Variants in RBFOX1 observed in about 807,000 individuals in gnomAD.
RBFOX1 encodes the protein RNA binding fox-1 homolog 1, also known as RNA binding protein fox-1 homolog 1.
A neutral mutation model predicts 57.7 loss-of-function variants in RBFOX1; 8 were observed. The ratio of observed to expected loss-of-function variants is 0.14; its 90% confidence interval spans 0.08 to 0.25. The LOEUF is 0.25. Ranked by LOEUF, RBFOX1 falls within the 10% of genes least tolerant of loss-of-function variation. RBFOX1 has a pLI of 1.00. For missense variants in RBFOX1, 611 were observed against 548.5 expected (o/e 1.11, Z -1.14); for synonymous variants, 326 against 222.4 (o/e 1.47, Z -4.15).
chr16:5,821,600 G>T (rs571539379), intron 3 of RBFOX1, among the ~76,000 whole-genome samples: 1 of 152,140 alleles, frequency 6.6e-6, no homozygotes, highest in Non-Finnish European at 1.5e-5. Flanking sequence ...ACCATGTCTG[G>T]TTCTTTATTA....
At chr16:5,373,564 C>A (rs1237020473) in intron 1 of RBFOX1, among the ~76,000 whole-genome samples, 1 of 152,080 alleles carries the variant, frequency 6.6e-6, no homozygotes, top group African/African-American at 2.4e-5. Context: ...AGCCGTACTT[C>A]CTGTACAGCC....
chr16:5,864,442 G>C (rs187341921), intron 3 of RBFOX1, among the ~76,000 whole-genome samples: 1 of 152,036 alleles, frequency 6.6e-6, no homozygotes, highest in Non-Finnish European at 1.5e-5. Flanking sequence ...GTTTGCTCAG[G>C]AGTAAACCTT....
chr16:5,867,457 G>T, intron 4 of RBFOX1: 1 of 704,010 alleles, frequency 1.4e-6, no homozygotes, highest in Non-Finnish European at 2.0e-6. Flanking sequence ...TGGCTTGGAT[G>T]GTGTGTTTTC....
rs985119842 is a variant in RBFOX1 at position 7,019,875 on chromosome 16, A to G, written c.-15-32182A>G. Reference sequence around the variant, plus strand: ...CAATCTGTGGTCCAGCAATACTGACATTTTTGCGTGTGTTCCAACTAAACC... The same window carrying G: ...CAATCTGTGGTCCAGCAATACTGACGTTTTTGCGTGTGTTCCAACTAAACC... On this transcript the variant is annotated intron_variant, in intron 3 of 15. Coordinates refer to ENST00000550418, the MANE Select transcript of RBFOX1 (RefSeq NM_018723.4). Among the ~76,000 whole-genome samples the G allele has an allele frequency of 2.8e-4, 43 of 152,044 alleles. 1 individual carries two copies. Among genetic ancestry groups the G allele is most frequent in the African/African-American group, 1.0e-3 (42 of 41,470 alleles).
intron 1 of RBFOX1, among the ~76,000 whole-genome samples, chr16:6,171,747 T>G (rs1598034483): frequency 6.6e-6 from 1 of 152,294 alleles, no homozygotes; most frequent in South Asian, 2.1e-4. Flanking sequence ...CATCTTCAGA[T>G]GAATAGTAAG....
chr16:5,600,341 C>T (rs1010842386), downstream of RBFOX1, among the ~76,000 whole-genome samples: 1 of 151,372 alleles, frequency 6.6e-6, no homozygotes, highest in African/African-American at 2.4e-5. Context: ...ACCAAATTAG[C>T]TGAGCGTGGT....
intron 1 of RBFOX1, among the ~76,000 whole-genome samples, chr16:6,156,245 C>T (rs544658993): frequency 2.8e-4 from 43 of 152,274 alleles, no homozygotes; most frequent in Non-Finnish European, 5.0e-4. Flanking sequence ...AGACACTGTC[C>T]GTCACCTTCC....
intron 2 of RBFOX1, among the ~76,000 whole-genome samples, chr16:6,357,780 G>A (rs2087640614): frequency 6.6e-6 from 1 of 151,888 alleles, no homozygotes. Context: ...GAAACACCCT[G>A]TCTCTACTAA....
chr16:5,644,855 G>T (rs1329352017), intron 3 of RBFOX1, among the ~76,000 whole-genome samples: 3 of 152,166 alleles, frequency 2.0e-5, no homozygotes, highest in African/African-American at 7.2e-5. Flanking sequence ...GAACGTTCAT[G>T]TGCGAGTTTT....
At chr16:5,744,434 G>A (rs144763593) in intron 3 of RBFOX1, among the ~76,000 whole-genome samples, 263 of 152,130 alleles carry the variant, frequency 1.7e-3, no homozygotes, top group African/African-American at 5.8e-3. Context: ...CTTCTTTTCC[G>A]CTTCCAAATA....
intron 14 of RBFOX1, among the ~76,000 whole-genome samples, chr16:7,702,541 G>A (rs1050691499): frequency 5.3e-5 from 8 of 152,194 alleles, no homozygotes; most frequent in Non-Finnish European, 1.0e-4. Flanking sequence ...GATTGACAAC[G>A]GATTCATTTA....
chr16:5,549,617 G>C (rs956878133), intron 2 of RBFOX1, among the ~76,000 whole-genome samples: 11 of 152,264 alleles, frequency 7.2e-5, no homozygotes, highest in Admixed American at 2.0e-4. Flanking sequence ...AACCAGATGG[G>C]AAAAATTGGG....
chr16:6,012,399 G>C (rs898875273), intron 4 of RBFOX1, among the ~76,000 whole-genome samples: 1 of 152,194 alleles, frequency 6.6e-6, no homozygotes, highest in African/African-American at 2.4e-5. Context: ...CTTTAGAACA[G>C]TGGTTCCTAC....
chr16:5,833,906 C>G (rs572851748), intron 3 of RBFOX1, among the ~76,000 whole-genome samples: 2 of 152,298 alleles, frequency 1.3e-5, no homozygotes, highest in East Asian at 3.9e-4. Flanking sequence ...CTCTCCCTCT[C>G]CATACTAGGG....
intron 2 of RBFOX1, among the ~76,000 whole-genome samples, chr16:5,492,303 C>T (rs8046730): frequency 6.6e-6 from 1 of 152,264 alleles, no homozygotes; most frequent in East Asian, 1.9e-4. Flanking sequence ...CTTTTCAGGC[C>T]TATTTATTTA....
chr16:7,003,795 T>A (rs1210020539), intron 3 of RBFOX1, among the ~76,000 whole-genome samples: 1 of 152,176 alleles, frequency 6.6e-6, no homozygotes, highest in African/African-American at 2.4e-5. Context: ...CTTTTTGGGA[T>A]GAGACTAAAG....
intron 4 of RBFOX1, among the ~76,000 whole-genome samples, chr16:7,273,209 C>CCTTCCTTT (rs2095368663): frequency 1.2e-5 from 1 of 82,554 alleles, no homozygotes. Context: ...TCCCTCCCTT[C>CCTTCCTTT]CTTCCTTCCT....
At chr16:7,694,450 G>C (rs2078162049) in intron 14 of RBFOX1, among the ~76,000 whole-genome samples, 1 of 152,202 alleles carries the variant, frequency 6.6e-6, no homozygotes, top group Non-Finnish European at 1.5e-5. Context: ...CTAAAAGGCA[G>C]GGTCAGTTTT....
chr16:7,222,885 TC>T (rs2152860939), intron 4 of RBFOX1, among the ~76,000 whole-genome samples: 1 of 152,302 alleles, frequency 6.6e-6, no homozygotes, highest in South Asian at 2.1e-4. Flanking sequence ...TGTGTTTTTG[TC>T]CAAGAAGTTC....
Sources: allele counts gnomAD v4.1 joint callset (sites outside exome capture counted in the v4.1 genomes callset), GRCh38; gene constraint gnomAD v4.1.1; transcripts MANE v1.5; gene names NCBI Gene and HGNC (gene_info 2026-07-23, HGNC 2026-07-21).